ARID4B: variants seen among roughly 807,000 people sequenced by gnomAD.
ARID4B encodes AT-rich interactive domain-containing protein 4B.
In ARID4B, 26 loss-of-function variants were observed where a neutral mutation model predicts 147.5. The ratio of observed to expected loss-of-function variants is 0.18; its 90% CI spans 0.13 to 0.24. ARID4B has a LOEUF of 0.24. Ranked by LOEUF, ARID4B falls within the 10% of genes least tolerant of loss-of-function variation. The pLI, the probability that ARID4B is intolerant of heterozygous loss-of-function variation, is 1.00. For missense variants in ARID4B, 1,179 were observed against 1,511.5 expected (o/e 0.78, Z 3.65); for synonymous variants, 512 against 507.9 (o/e 1.01, Z -0.11).
At chr1:235,186,068 CAAG>C (rs1472265941) in intron 19 of ARID4B, among the ~76,000 whole-genome samples, 1 of 151,586 alleles carries the variant, frequency 6.6e-6, no homozygotes, top group Non-Finnish European at 1.5e-5. Context: ...CTCCCAGGTT[CAAG>C]TGATTCCCCT....
intron 17 of ARID4B, among the ~76,000 whole-genome samples, chr1:235,205,982 T>C (rs904594566): frequency 6.6e-6 from 1 of 152,126 alleles, no homozygotes; most frequent in African/African-American, 2.4e-5. Context: ...GAGTTATATA[T>C]AAATGAGGTG....
At chr1:235,219,728 A>T in intron 16 of ARID4B, 65 bp downstream of exon 16, 1 of 1,316,968 alleles carries the variant, frequency 7.6e-7, no homozygotes, top group Non-Finnish European at 1.1e-6. Flanking sequence ...ATAAACACAT[A>T]CAAAGAGCAA....
intron 17 of ARID4B, among the ~76,000 whole-genome samples, chr1:235,209,345 C>T (rs900642540): frequency 3.3e-5 from 5 of 151,940 alleles, no homozygotes; most frequent in Non-Finnish European, 7.4e-5. Flanking sequence ...GTGGCATGTG[C>T]CTACAATCCC....
intron 7 of ARID4B, among the ~76,000 whole-genome samples, chr1:235,242,637 T>A (rs879602664): frequency 1.3e-5 from 2 of 152,142 alleles, no homozygotes; most frequent in Non-Finnish European, 2.9e-5. Flanking sequence ...ATAGAGAAAA[T>A]TGGGCTTTAT....
chr1:235,264,385 G>A (rs1313231274), intron 2 of ARID4B, among the ~76,000 whole-genome samples: 1 of 152,130 alleles, frequency 6.6e-6, no homozygotes. Context: ...CATAACTGAG[G>A]TGGTCAGATT....
intron 2 of ARID4B, among the ~76,000 whole-genome samples, chr1:235,266,081 C>T (rs1296315817): frequency 6.6e-6 from 1 of 152,132 alleles, no homozygotes; most frequent in Admixed American, 6.5e-5. Context: ...CTCCCTTATT[C>T]AATCCAGACA....
Position 235,182,525 on chromosome 1 carries a change from ATCT to A in ARID4B, c.2391_2393del (p.Glu797del). 5 of 1,612,294 alleles carry A rather than the reference ATCT, an allele frequency of 3.1e-6. No individual in the cohort carries two copies. The highest frequency in any genetic ancestry group is 1.6e-4 in the Middle Eastern group (1 of 6,062). On this transcript the variant is annotated inframe_deletion, in exon 20 of 24. Coordinates refer to ENST00000264183, the MANE Select transcript of ARID4B (RefSeq NM_016374.6). The stretch of plus-strand genomic sequence containing the variant: ...CATCCTTTCTCTTTTTTGTGACTTC[ATCT>A]TCTTCATAATCAGTATCTTCGGATA...
intron 5 of ARID4B, 37 bp from the exon 6 acceptor site, chr1:235,252,846 T>C (rs1197729556): frequency 1.3e-6 from 2 of 1,566,302 alleles, no homozygotes; most frequent in South Asian, 1.1e-5. Flanking sequence ...TACTGAAGGA[T>C]TTTTTCAAAG....
chr1:235,257,711 C>CCAGCCCGCCTGGAT (rs563163267), intron 3 of ARID4B, among the ~76,000 whole-genome samples: 86 of 152,236 alleles, frequency 5.6e-4, no homozygotes, highest in African/African-American at 2.0e-3. Context: ...AAACTCCCAA[C>CCAGCCCGCCTGGAT]CTCAAGTGAT....
rs551951582 is a variant in ARID4B, at chr1:235,250,331, GT to G, written c.354+2398del. ...ACTACTACTACTAATACTCTGAATG[GT>G]CTTTCAAAAACGTTAAAACTTTTAA... On this transcript the variant is annotated intron_variant, in intron 6 of 23. Coordinates refer to ENST00000264183, the MANE Select transcript of ARID4B (RefSeq NM_016374.6). 7.4e-4 allele frequency among the ~76,000 whole-genome samples: 112 copies of G among 152,104 alleles called. 1 individual carries two copies. Among genetic ancestry groups the G allele is most frequent in the African/African-American group, 2.6e-3 (109 of 41,474 alleles).
intron 9 of ARID4B, among the ~76,000 whole-genome samples, chr1:235,233,246 G>C (rs972447697): frequency 6.6e-6 from 1 of 151,998 alleles, no homozygotes; most frequent in South Asian, 2.1e-4. Context: ...TGAGGAGTTC[G>C]AGACCAGCCT....
intron 2 of ARID4B, among the ~76,000 whole-genome samples, chr1:235,267,174 A>G (rs1015315283): frequency 6.6e-6 from 1 of 152,296 alleles, no homozygotes; most frequent in East Asian, 1.9e-4. Context: ...ACTACTAAGG[A>G]GGCTGAGGCG....
chr1:235,202,377 G>C (rs1257014507), intron 17 of ARID4B, among the ~76,000 whole-genome samples: 2 of 151,466 alleles, frequency 1.3e-5, no homozygotes, highest in Non-Finnish European at 2.9e-5. Context: ...TTTATCTAAA[G>C]TACTAAGGAA....
At chr1:235,272,179 G>A (rs1671035385) in intron 2 of ARID4B, among the ~76,000 whole-genome samples, 1 of 152,136 alleles carries the variant, frequency 6.6e-6, no homozygotes, top group South Asian at 2.1e-4. Flanking sequence ...GAATATTACT[G>A]TAGTAAGCCC....
At chr1:235,223,369 G>GTATA (rs201240296) in intron 12 of ARID4B, 109 bp from the exon 13 acceptor site, 12 of 166,130 alleles carry the variant, frequency 7.2e-5, no homozygotes, top group African/African-American at 1.5e-4. Flanking sequence ...ATATATACAC[G>GTATA]TATATATATA....
chr1:235,267,309 A>G (rs917761702), intron 2 of ARID4B, among the ~76,000 whole-genome samples: 1 of 152,208 alleles, frequency 6.6e-6, no homozygotes, highest in Admixed American at 6.5e-5. Flanking sequence ...AAAAACCATC[A>G]TTAATAAATG....
chr1:235,317,539 G>A (rs1674525179), intron 2 of ARID4B, among the ~76,000 whole-genome samples: 1 of 152,212 alleles, frequency 6.6e-6, no homozygotes, highest in Admixed American at 6.5e-5. Context: ...AGGTGAACAT[G>A]AAGATAGTTT....
At chr1:235,266,078 A>C (rs908476572) in intron 2 of ARID4B, among the ~76,000 whole-genome samples, 24 of 152,192 alleles carry the variant, frequency 1.6e-4, no homozygotes, top group African/African-American at 5.8e-4. Flanking sequence ...TTTCTCCCTT[A>C]TTCAATCCAG....
At chr1:235,303,160 T>TGATCC (rs1306846551) in intron 2 of ARID4B, among the ~76,000 whole-genome samples, 4 of 152,072 alleles carry the variant, frequency 2.6e-5, no homozygotes, top group Middle Eastern at 3.4e-3. Context: ...CCTGACCTTG[T>TGATCC]GATCCGCCTG....
Sources: allele counts gnomAD v4.1 joint callset (sites outside exome capture counted in the v4.1 genomes callset), GRCh38; gene constraint gnomAD v4.1.1; transcripts MANE v1.5; gene names NCBI Gene and HGNC (gene_info 2026-07-23, HGNC 2026-07-21).